GET1: variants seen among roughly 807,000 people sequenced by gnomAD.
GET1 encodes congenital heart disease 5 protein.
GET1 carries 20 observed loss-of-function variants against 22.6 expected under a neutral mutation model. The observed-to-expected ratio is 0.89, with a 90% CI of 0.62 to 1.29. The LOEUF (loss-of-function observed/expected upper bound fraction) is 1.29, where lower values mean the gene tolerates loss of function less well. GET1 is among the 50% of genes most tolerant of loss of function. GET1 has a pLI of 0.00. For missense variants in GET1, 209 were observed against 219.9 expected, an observed-to-expected ratio of 0.95 and a Z score of 0.31; for synonymous variants, 92 against 83.8, an observed-to-expected ratio of 1.10 and a Z score of -0.53.
At chr21:39,417,028 G>A (rs556648600) in intron 1 of GET1, among the ~76,000 whole-genome samples, 1 of 151,198 alleles carries the variant, frequency 6.6e-6, no homozygotes, top group African/African-American at 2.5e-5. Flanking sequence ...GGATATTTAG[G>A]GATAGCTTTT....
At chr21:39,425,350 G>A (rs1337759171) in intron 1 of GET1, among the ~76,000 whole-genome samples, 1 of 152,064 alleles carries the variant, frequency 6.6e-6, no homozygotes, top group Non-Finnish European at 1.5e-5. Flanking sequence ...TGCTTTCTGG[G>A]GATAAAACAT....
At chr21:39,390,504 C>T (rs2038227856) in intron 1 of GET1, among the ~76,000 whole-genome samples, 194 bp from the exon 2 acceptor site, 1 of 152,184 alleles carries the variant, frequency 6.6e-6, no homozygotes, top group Non-Finnish European at 1.5e-5. Flanking sequence ...TCCCAGTGTT[C>T]TCCAGCAACA....
intron 3 of GET1, 188 bp downstream of exon 3, chr21:39,392,024 G>C: frequency 1.7e-6 from 1 of 573,460 alleles, no homozygotes; most frequent in Non-Finnish European, 3.1e-6. Context: ...CCTTTCTCTT[G>C]AGGAGAGTTG....
chr21:39,391,687 G>T, intron 2 of GET1, 82 bp from the exon 3 acceptor site: 3 of 1,326,606 alleles, frequency 2.3e-6, no homozygotes, highest in Non-Finnish European at 2.2e-6. Context: ...GTATTATAAG[G>T]GAAAATAACA....
At chr21:39,406,691 T>G (rs943270066), downstream of GET1, 18 of 1,075,306 alleles carry the variant, frequency 1.7e-5, no homozygotes, top group Non-Finnish European at 2.4e-5. Flanking sequence ...CTAGTACACT[T>G]ACGTGCACCG....
At chr21:39,406,248 C>T (rs768413225) in exon 5 of GET1, 2 of 1,614,220 alleles carry the variant, frequency 1.2e-6, no homozygotes, top group South Asian at 2.2e-5. Flanking sequence ...GACTGTACCT[C>T]ATGTTGCCGG....
chr21:39,402,761 A>G (rs1428653734), downstream of GET1, among the ~76,000 whole-genome samples: 2 of 152,178 alleles, frequency 1.3e-5, no homozygotes, highest in African/African-American at 2.4e-5. Context: ...TCTTTTTTCC[A>G]TGATCGTAAA....
At chr21:39,393,674 GTC>G (rs2038454397) in intron 4 of GET1, among the ~76,000 whole-genome samples, 1 of 152,058 alleles carries the variant, frequency 6.6e-6, no homozygotes, top group Non-Finnish European at 1.5e-5. Context: ...TTGAGACTGA[GTC>G]TCACTCCGTC....
intron 4 of GET1, among the ~76,000 whole-genome samples, chr21:39,404,124 A>G (rs2038925318): frequency 6.6e-6 from 1 of 152,264 alleles, no homozygotes; most frequent in South Asian, 2.1e-4. Context: ...GGTCTAGATT[A>G]TAAACAAGTT....
downstream of GET1, among the ~76,000 whole-genome samples, chr21:39,411,329 A>C (rs1569068449): frequency 2.0e-5 from 3 of 152,244 alleles, no homozygotes; most frequent in East Asian, 5.8e-4. Context: ...AAACCCACTG[A>C]GCTGCGTGCA....
chr21:39,427,081 G>A (rs1367722807), intron 1 of GET1, among the ~76,000 whole-genome samples: 1 of 152,226 alleles, frequency 6.6e-6, no homozygotes, highest in Non-Finnish European at 1.5e-5. Context: ...GACACAGCTG[G>A]TAACAGCAGA....
At chr21:39,410,795 A>G (rs923926537), downstream of GET1, 11 of 469,926 alleles carry the variant, frequency 2.3e-5, no homozygotes, top group Admixed American at 4.7e-5. Context: ...GAAGGAAATT[A>G]TATCATTTAA....
At position 39,397,665 on chromosome 21, in the gene GET1, AAAC is replaced by A. The variant is rs1171823896; in HGVS notation, c.*729_*731del. 7.7e-6 allele frequency: 1 copy of A among 130,312 alleles called. No individual in the cohort carries two copies. Among genetic ancestry groups the A allele is most frequent in the Non-Finnish European group, 1.6e-5 (1 of 60,748 alleles). The allele number at this position is 130,312 out of a possible 1,614,324, so 8.1% of individuals were successfully genotyped here. On this transcript the variant is annotated 3_prime_UTR_variant, in exon 5 of 5. Transcript: ENST00000649170. ...TATGCTCTTTAGAATGGAACACAGA[AAAC>A]AAACCTTATAAGTCCTGATTAATCT... is the stretch of plus-strand genomic sequence containing the variant.
chr21:39,418,064 C>T (rs1003334154), intron 1 of GET1, among the ~76,000 whole-genome samples: 6 of 152,174 alleles, frequency 3.9e-5, no homozygotes, highest in African/African-American at 7.2e-5. Flanking sequence ...CCGCGCCCAG[C>T]GGGGGAGTTT....
chr21:39,396,574 C>G (rs891122507), intron 4 of GET1, among the ~76,000 whole-genome samples: 2 of 150,744 alleles, frequency 1.3e-5, no homozygotes, highest in Admixed American at 1.3e-4. Context: ...GTAATCCCAG[C>G]TACTCGGGAG....
At chr21:39,393,083 T>C in intron 3 of GET1, 83 bp from the exon 4 acceptor site, 1 of 1,218,748 alleles carries the variant, frequency 8.2e-7, no homozygotes, top group Middle Eastern at 2.5e-4. Context: ...CCTGGTTTTA[T>C]TTTCGCATTT....
At chr21:39,414,732 C>CTGTGTGTGTGTGTGTGTGTG (rs1464601997) in intron 1 of GET1, among the ~76,000 whole-genome samples, 2 of 110,392 alleles carry the variant, frequency 1.8e-5, no homozygotes, top group African/African-American at 7.8e-5. Flanking sequence ...CTCTCTCTCT[C>CTGTGTGTGTGTGTGTGTGTG]TCTCTCTCTC....
At chr21:39,401,367 A>G (rs566662658), downstream of GET1, among the ~76,000 whole-genome samples, 1 of 152,230 alleles carries the variant, frequency 6.6e-6, no homozygotes, top group African/African-American at 2.4e-5. Flanking sequence ...GAGTCTTTTT[A>G]AAAAATAGTT....
chr21:39,411,321 A>G (rs1438479454), downstream of GET1, among the ~76,000 whole-genome samples: 1 of 152,042 alleles, frequency 6.6e-6, no homozygotes, highest in Non-Finnish European at 1.5e-5. Flanking sequence ...ATCTGTCAAA[A>G]CCCACTGAGC....
Sources: allele counts gnomAD v4.1 joint callset (sites outside exome capture counted in the v4.1 genomes callset), GRCh38; gene constraint gnomAD v4.1.1; transcripts MANE v1.5; gene names NCBI Gene and HGNC (gene_info 2026-07-23, HGNC 2026-07-21).